Variants in KCNIP4 observed in about 807,000 individuals in gnomAD.
KCNIP4 encodes Kv channel-interacting protein 4.
Under a neutral mutation model 34.0 loss-of-function variants are expected in KCNIP4, and 12 were observed. The observed-to-expected ratio is 0.35, with a 90% CI of 0.23 to 0.57. KCNIP4 has a LOEUF of 0.57. KCNIP4 is among the 20% of genes least tolerant of loss of function. The pLI is 0.83. For missense variants in KCNIP4, 238 were observed against 311.7 expected, an observed-to-expected ratio of 0.76 and a Z score of 1.78; for synonymous variants, 124 against 102.2, an observed-to-expected ratio of 1.21 and a Z score of -1.29.
chr4:21,167,657 G>A (rs1288604087), intron 1 of KCNIP4, among the ~76,000 whole-genome samples: 1 of 152,134 alleles, frequency 6.6e-6, no homozygotes, highest in Admixed American at 6.5e-5. Flanking sequence ...TTCACCACTG[G>A]CCATCAGTAG....
intron 1 of KCNIP4, among the ~76,000 whole-genome samples, chr4:21,299,725 A>G (rs182162591): frequency 4.6e-5 from 7 of 152,222 alleles, no homozygotes; most frequent in African/African-American, 1.4e-4. Context: ...CTTATTAAGC[A>G]ACATGGTCTG....
At chr4:21,668,322 C>T (rs754871803) in intron 1 of KCNIP4, among the ~76,000 whole-genome samples, 3 of 151,886 alleles carry the variant, frequency 2.0e-5, no homozygotes, top group Non-Finnish European at 2.9e-5. Flanking sequence ...CAAACCTACA[C>T]GTTCTGCACA....
At chr4:21,199,570 T>G (rs1756317665) in intron 1 of KCNIP4, among the ~76,000 whole-genome samples, 1 of 152,200 alleles carries the variant, frequency 6.6e-6, no homozygotes, top group African/African-American at 2.4e-5. Flanking sequence ...CTCTTTAGTT[T>G]AATTAGATCC....
chr4:20,949,891 G>T lies in KCNIP4; in HGVS notation c.62-67182C>A, dbSNP rs1399148297. Among the ~76,000 whole-genome samples, 3 of 149,216 alleles carry T rather than the reference G, an allele frequency of 2.0e-5. No homozygotes were observed. In the East Asian group the frequency reaches 6.0e-4, roughly 30 times the overall value. On this transcript the variant is annotated intron_variant, in intron 1 of 8. Transcript: ENST00000382152. ...GGGGAGGGGGGAGGGATAGCATTGG[G>T]AGATATACCTAATGCTAGATGACGA... is the stretch of plus-strand genomic sequence containing the variant.
chr4:20,822,698 G>C (rs13102828), intron 3 of KCNIP4, among the ~76,000 whole-genome samples: 1 of 152,088 alleles, frequency 6.6e-6, no homozygotes, highest in African/African-American at 2.4e-5. Flanking sequence ...AATGCATTTC[G>C]CATGTGAGAA....
chr4:21,005,837 A>T (rs1738505454), intron 1 of KCNIP4, among the ~76,000 whole-genome samples: 1 of 152,186 alleles, frequency 6.6e-6, no homozygotes, highest in Non-Finnish European at 1.5e-5. Flanking sequence ...TAATTACAGC[A>T]GCATCTCTAC....
rs113613645 is a variant in KCNIP4, at chr4:21,086,968, C to CCT, written c.62-204261_62-204260dup. Among the ~76,000 whole-genome samples, 632 of 141,462 alleles carry CCT rather than the reference C, an allele frequency of 4.5e-3. 6 individuals carry two copies. The highest frequency in any genetic ancestry group is 0.017 in the African/African-American group (605 of 36,542). The allele number at this position is 141,462 out of a possible 152,430, so 92.8% of individuals were successfully genotyped here. ...CTCCCTCCCTCCCTTCCTTTTCCTT[C>CCT]CTCTCTCTCTCTCTTTCTTTCTTTT... On this transcript the variant is annotated intron_variant, in intron 1 of 8. Coordinates refer to ENST00000382152, the MANE Select transcript of KCNIP4 (RefSeq NM_025221.6).
chr4:20,837,678 ATATATATAT>A (rs1719213014), intron 3 of KCNIP4, among the ~76,000 whole-genome samples: 1 of 80,530 alleles, frequency 1.2e-5, no homozygotes, highest in African/African-American at 4.9e-5. Flanking sequence ...ATATATATAT[ATATATATAT>A]TTTTTTTTCC....
intron 1 of KCNIP4, among the ~76,000 whole-genome samples, chr4:21,233,306 G>C (rs888915032): frequency 1.3e-5 from 2 of 152,086 alleles, no homozygotes; most frequent in South Asian, 4.1e-4. Flanking sequence ...TATGTCCAAG[G>C]GGGGAGGCCC....
intron 1 of KCNIP4, among the ~76,000 whole-genome samples, chr4:21,111,293 G>A (rs1047174022): frequency 3.2e-4 from 25 of 77,712 alleles, no homozygotes; most frequent in African/African-American, 1.5e-3. Context: ...GCTCTGACGC[G>A]ACAAAAGATT....
chr4:21,282,253 A>G (rs1490115103), intron 1 of KCNIP4, among the ~76,000 whole-genome samples: 1 of 152,212 alleles, frequency 6.6e-6, no homozygotes, highest in African/African-American at 2.4e-5. Flanking sequence ...CATTTAACTT[A>G]CACTTAAATA....
intron 1 of KCNIP4, among the ~76,000 whole-genome samples, chr4:21,789,870 AT>A (rs1465878763): frequency 1.3e-5 from 2 of 152,348 alleles, no homozygotes; most frequent in South Asian, 4.1e-4. Flanking sequence ...CTTCCAAACT[AT>A]TACTTAAGAA....
chr4:21,394,893 C>T (rs918029078), intron 1 of KCNIP4, among the ~76,000 whole-genome samples: 4 of 152,132 alleles, frequency 2.6e-5, no homozygotes, highest in Non-Finnish European at 4.4e-5. Flanking sequence ...CATGCTTTGG[C>T]ATTCTTTTAT....
chr4:20,850,170 T>C, intron 3 of KCNIP4: 1 of 166,090 alleles, frequency 6.0e-6, no homozygotes, highest in Non-Finnish European at 1.3e-5. Context: ...TGGAATCCCT[T>C]GATAGGCCTC....
intron 1 of KCNIP4, among the ~76,000 whole-genome samples, chr4:21,663,023 T>A (rs978386127): frequency 6.6e-6 from 1 of 152,228 alleles, no homozygotes; most frequent in African/African-American, 2.4e-5. Flanking sequence ...GAGGTTTCAA[T>A]GCAGTCAAAT....
intron 1 of KCNIP4, among the ~76,000 whole-genome samples, chr4:21,594,023 T>C (rs577420352): frequency 6.6e-6 from 1 of 152,086 alleles, no homozygotes; most frequent in East Asian, 1.9e-4. Context: ...CCTGCATGTA[T>C]GTAGGAAATG....
intron 1 of KCNIP4, among the ~76,000 whole-genome samples, chr4:21,638,734 C>A (rs1480103364): frequency 1.3e-5 from 2 of 152,128 alleles, no homozygotes; most frequent in Non-Finnish European, 2.9e-5. Context: ...TAAAAATGCT[C>A]CATCTAGACA....
At chr4:21,672,928 T>C (rs943537132) in intron 1 of KCNIP4, among the ~76,000 whole-genome samples, 1 of 152,228 alleles carries the variant, frequency 6.6e-6, no homozygotes, top group African/African-American at 2.4e-5. Context: ...AGGCCTCACT[T>C]TCCTGCCATG....
intron 1 of KCNIP4, among the ~76,000 whole-genome samples, chr4:20,935,488 T>C (rs960724411): frequency 6.6e-6 from 1 of 152,154 alleles, no homozygotes; most frequent in African/African-American, 2.4e-5. Context: ...TAGAAATGTA[T>C]CAAGATATCT....
Sources: allele counts gnomAD v4.1 joint callset (sites outside exome capture counted in the v4.1 genomes callset), GRCh38; gene constraint gnomAD v4.1.1; transcripts MANE v1.5; gene names NCBI Gene and HGNC (gene_info 2026-07-23, HGNC 2026-07-21).